SORBS2: variants seen among roughly 807,000 people sequenced by gnomAD.
SORBS2 encodes sorbin and SH3 domain containing 2.
In SORBS2, 46 loss-of-function variants were observed where a neutral mutation model predicts 97.7. That is an observed-to-expected ratio of 0.47 (90% CI 0.37 to 0.60). The LOEUF (loss-of-function observed/expected upper bound fraction) is 0.60. Among genes scored for constraint, SORBS2 ranks in the 20% least tolerant of loss-of-function variants. SORBS2 has a pLI of 0.00. For synonymous variants in SORBS2, 476 were observed against 473.4 expected, an observed-to-expected ratio of 1.01 and a Z score of -0.07; for missense variants, 1,316 against 1,282.3, an observed-to-expected ratio of 1.03 and a Z score of -0.40.
At chr4:185,872,676 A>G (rs993718546) in intron 1 of SORBS2, among the ~76,000 whole-genome samples, 5 of 152,236 alleles carry the variant, frequency 3.3e-5, no homozygotes, top group Non-Finnish European at 7.3e-5. Flanking sequence ...AAAATGATTT[A>G]TAGATTAATT....
chr4:185,870,169 T>C (rs2099229605), intron 1 of SORBS2, among the ~76,000 whole-genome samples: 2 of 152,190 alleles, frequency 1.3e-5, no homozygotes, highest in Admixed American at 1.3e-4. Flanking sequence ...TATCTGCCTT[T>C]TAAGTGAGGA....
At chr4:185,738,097 A>G (rs1324318702) in intron 2 of SORBS2, among the ~76,000 whole-genome samples, 1 of 152,230 alleles carries the variant, frequency 6.6e-6, no homozygotes, top group Non-Finnish European at 1.5e-5. Context: ...ATCTGCCTCC[A>G]CTTCCAAGTC....
At chr4:185,792,828 G>T (rs542304635) in intron 1 of SORBS2, among the ~76,000 whole-genome samples, 1 of 152,278 alleles carries the variant, frequency 6.6e-6, no homozygotes, top group South Asian at 2.1e-4. Context: ...TCCCACAAAT[G>T]GGCAGTCTAG....
At chr4:185,698,484 C>T (rs2098211748) in intron 2 of SORBS2, among the ~76,000 whole-genome samples, 1 of 137,018 alleles carries the variant, frequency 7.3e-6, no homozygotes, top group African/African-American at 2.4e-5. Flanking sequence ...CAGAGCAAGA[C>T]TCCATCTCAA....
intron 2 of SORBS2, among the ~76,000 whole-genome samples, chr4:185,689,297 C>T (rs1240610748): frequency 6.6e-6 from 1 of 152,192 alleles, no homozygotes; most frequent in Non-Finnish European, 1.5e-5. Flanking sequence ...ATCACTTCCT[C>T]ATGTGGAACT....
At chr4:185,909,985 G>GAAA (rs142443290) in intron 1 of SORBS2, among the ~76,000 whole-genome samples, 12 of 112,642 alleles carry the variant, frequency 1.1e-4, no homozygotes, top group Non-Finnish European at 1.4e-4. Context: ...CTCCATCTCA[G>GAAA]AAAAAAAAAA....
At chr4:185,822,192 T>C (rs571866888) in intron 1 of SORBS2, among the ~76,000 whole-genome samples, 67 of 152,376 alleles carry the variant, frequency 4.4e-4, no homozygotes, top group African/African-American at 1.5e-3. Flanking sequence ...TCAGCTCTTC[T>C]GAATGACATT....
At chr4:185,768,261 G>T (rs1486165358) in intron 2 of SORBS2, among the ~76,000 whole-genome samples, 1 of 152,112 alleles carries the variant, frequency 6.6e-6, no homozygotes, top group African/African-American at 2.4e-5. Context: ...TCATTGAAGG[G>T]CCTAGACTGA....
At position 185,684,872 on chromosome 4, in the gene SORBS2, G is replaced by A. The variant is rs1336008111; in HGVS notation, c.-197-6050C>T. 1.3e-6 allele frequency: 2 copies of A among 1,533,222 alleles called. No individual in the cohort carries two copies. 95.0% of individuals were successfully genotyped at this position (1,533,222 alleles called of 1,614,324 possible). On this transcript the variant is annotated intron_variant, in intron 2 of 20. Transcript: ENST00000284776. The surrounding 1 kb of genome is among the most constrained non-coding windows in gnomAD (Gnocchi z 4.2). ...CTGGAAGCAAAAAAATGATATAGCA[G>A]AGGCCAAGGCAACGGGAAAAGCACG... is the stretch of plus-strand genomic sequence containing the variant.
chr4:185,865,418 G>A (rs1249529834), intron 1 of SORBS2, among the ~76,000 whole-genome samples: 1 of 152,118 alleles, frequency 6.6e-6, no homozygotes, highest in South Asian at 2.1e-4. Flanking sequence ...CATCCTCCTG[G>A]TTGAAGTGTC....
At chr4:185,618,529 C>A in intron 9 of SORBS2, 56 bp downstream of exon 21, 1 of 970,038 alleles carries the variant, frequency 1.0e-6, no homozygotes, top group Non-Finnish European at 1.5e-6. Flanking sequence ...TCTCTTAAAG[C>A]ATTACTAACA....
chr4:185,589,510 A>G (rs1474304943), intron 14 of SORBS2, among the ~76,000 whole-genome samples, 169 bp downstream of exon 26: 2 of 152,236 alleles, frequency 1.3e-5, no homozygotes, highest in Non-Finnish European at 2.9e-5. Flanking sequence ...ATACTAAACT[A>G]TATTAAAAAT....
At chr4:185,591,633 T>A (rs559936659) in intron 13 of SORBS2, among the ~76,000 whole-genome samples, 6 of 152,156 alleles carry the variant, frequency 3.9e-5, no homozygotes, top group Non-Finnish European at 7.3e-5. Context: ...GAGATGGTGG[T>A]TCCTGGGCTG....
At chr4:185,845,192 T>A (rs1489856604) in intron 1 of SORBS2, among the ~76,000 whole-genome samples, 2 of 152,030 alleles carry the variant, frequency 1.3e-5, no homozygotes, top group Non-Finnish European at 2.9e-5. Context: ...TTTTTATTTT[T>A]AATTTTTTGT....
At chr4:185,839,584 A>G (rs888950561) in intron 1 of SORBS2, among the ~76,000 whole-genome samples, 1 of 152,174 alleles carries the variant, frequency 6.6e-6, no homozygotes, top group African/African-American at 2.4e-5. Flanking sequence ...AGCTTAAGAG[A>G]GGAATGTACT....
At chr4:185,940,493 A>T (rs550810601) in intron 1 of SORBS2, among the ~76,000 whole-genome samples, 2 of 151,978 alleles carry the variant, frequency 1.3e-5, no homozygotes, top group African/African-American at 4.8e-5. Flanking sequence ...AGCCCCCCTC[A>T]TCTCTCACTG....
intron 11 of SORBS2, among the ~76,000 whole-genome samples, chr4:185,612,849 G>A (rs1468185750): frequency 2.0e-5 from 3 of 152,134 alleles, no homozygotes; most frequent in African/African-American, 7.2e-5. Context: ...AGGGATGGGG[G>A]AAAGAGAGCG....
intron 1 of SORBS2, among the ~76,000 whole-genome samples, chr4:185,874,331 C>CA: frequency 6.6e-6 from 1 of 151,976 alleles, no homozygotes; most frequent in East Asian, 1.9e-4. Context: ...GAGAAAAGAT[C>CA]AAAAAAGATA....
chr4:185,614,527 C>T, intron 11 of SORBS2: 1 of 289,616 alleles, frequency 3.5e-6, no homozygotes, highest in Non-Finnish European at 6.4e-6. Context: ...TATCAAACTG[C>T]TTTTTCCTTT....
Sources: gnomAD v4.1 joint callset for allele counts (sites outside exome capture counted in the v4.1 genomes callset) on GRCh38, gnomAD v4.1.1 for gene constraint, Gnocchi (gnomAD v3.1) non-coding constraint, MANE v1.5 for transcripts, NCBI Gene and HGNC (gene_info 2026-07-23, HGNC 2026-07-21) for gene names.